GALNT16: variants seen among roughly 807,000 people sequenced by gnomAD.
The protein encoded by GALNT16 is polypeptide N-acetylgalactosaminyltransferase 16, also known as UDP-GalNAc:polypeptide N-acetylgalactosaminyltransferase-like protein 1.
Under a neutral mutation model 76.1 loss-of-function variants are expected in GALNT16, and 40 were observed. That is an observed-to-expected ratio of 0.53 (90% CI 0.41 to 0.68). The LOEUF (loss-of-function observed/expected upper bound fraction) is 0.68. GALNT16 is among the 30% of genes least tolerant of loss of function. GALNT16 has a pLI of 0.00. For missense variants in GALNT16, 621 were observed against 731.9 expected (o/e 0.85, Z 1.75); for synonymous variants, 276 against 285.2 (o/e 0.97, Z 0.32).
chr14:69,344,640 T>C (rs1021346363), intron 12 of GALNT16, among the ~76,000 whole-genome samples: 5 of 152,190 alleles, frequency 3.3e-5, no homozygotes, highest in African/African-American at 4.8e-5. Context: ...ATCTTGAGAT[T>C]GCTCCCAAGC....
chr14:69,308,440 T>C (rs2044970414), intron 1 of GALNT16, among the ~76,000 whole-genome samples: 1 of 152,200 alleles, frequency 6.6e-6, no homozygotes, highest in African/African-American at 2.4e-5. Context: ...CACATGCATA[T>C]GTTTATAAAC....
chr14:69,325,852 A>G (rs28368881), intron 4 of GALNT16, 110 bp from the exon 5 acceptor site: 53,971 of 831,816 alleles, frequency 0.065, 2,595 homozygotes, highest in African/African-American at 0.2. Flanking sequence ...CCCAATCCCC[A>G]TCCCCAACCC....
chr14:69,378,016 G>T, the GALNT16 span, among the ~76,000 whole-genome samples: 2 of 152,050 alleles, frequency 1.3e-5, no homozygotes, highest in Non-Finnish European at 2.9e-5. Flanking sequence ...CCCCAACCCA[G>T]CCTGGTCTGC....
the GALNT16 span, chr14:69,380,675 GGTCA>G: frequency 8.2e-7 from 1 of 1,224,470 alleles, no homozygotes; most frequent in Non-Finnish European, 1.2e-6. Context: ...AAGTCACAGT[GGTCA>G]ATCACTGCCA....
the GALNT16 span, among the ~76,000 whole-genome samples, chr14:69,383,981 C>T: frequency 6.6e-6 from 1 of 151,938 alleles, no homozygotes; most frequent in South Asian, 2.1e-4. Context: ...GACCCTGTCT[C>T]TAAAATTTTT....
At chr14:69,321,130 G>A (rs762659691) in intron 2 of GALNT16, among the ~76,000 whole-genome samples, 2 of 152,200 alleles carry the variant, frequency 1.3e-5, no homozygotes, top group Non-Finnish European at 2.9e-5. Flanking sequence ...AAGTGACCTG[G>A]GAGGGGACCA....
chr14:69,287,117 G>A (rs1000665291), intron 1 of GALNT16, among the ~76,000 whole-genome samples: 16 of 152,152 alleles, frequency 1.1e-4, no homozygotes, highest in Non-Finnish European at 2.1e-4. Context: ...ACCTCACCAT[G>A]GTTTGTGACT....
chr14:69,377,478 T>G, the GALNT16 span, among the ~76,000 whole-genome samples: 478 of 152,266 alleles, frequency 3.1e-3, 4 homozygotes, highest in African/African-American at 0.011. Flanking sequence ...AATACTAGTA[T>G]CATTATGCTA....
the GALNT16 span, among the ~76,000 whole-genome samples, chr14:69,367,995 TAAAGAAAA>T: frequency 2.7e-5 from 4 of 150,700 alleles, no homozygotes; most frequent in Admixed American, 2.6e-4. Flanking sequence ...AATCTCTAAA[TAAAGAAAA>T]AAAGAAGAAA....
intron 1 of GALNT16, among the ~76,000 whole-genome samples, chr14:69,318,829 C>T (rs1018650343): frequency 3.9e-5 from 6 of 152,248 alleles, no homozygotes; most frequent in African/African-American, 1.4e-4. Context: ...TGACCTAGAG[C>T]TAAGAGGGCA....
At chr14:69,320,918 A>G (rs769844234) in intron 2 of GALNT16, 50 bp downstream of exon 2, 10 of 1,556,244 alleles carry the variant, frequency 6.4e-6, no homozygotes, top group South Asian at 5.7e-5. Context: ...GAGAAAGCCA[A>G]CATTGTTTAG....
chr14:69,365,682 A>G, the GALNT16 span, among the ~76,000 whole-genome samples: 7 of 152,172 alleles, frequency 4.6e-5, no homozygotes, highest in African/African-American at 1.7e-4. Context: ...GCTGGGCTTA[A>G]TACCTAGGTG....
chr14:69,365,669 G>GATGCTGGGCTTT, the GALNT16 span, among the ~76,000 whole-genome samples: 1 of 152,104 alleles, frequency 6.6e-6, no homozygotes, highest in African/African-American at 2.4e-5. Context: ...ATAGTCAATG[G>GATGCTGGGCTTT]ATGCTGGGCT....
chr14:69,372,696 C>T, the GALNT16 span, among the ~76,000 whole-genome samples: 1 of 152,046 alleles, frequency 6.6e-6, no homozygotes, highest in Non-Finnish European at 1.5e-5. Flanking sequence ...GAAGTAATTT[C>T]TCAATCCAAG....
intron 1 of GALNT16, among the ~76,000 whole-genome samples, chr14:69,287,638 T>C (rs1427873981): frequency 1.3e-5 from 2 of 152,136 alleles, no homozygotes; most frequent in African/African-American, 4.8e-5. Context: ...AATAAGTGAA[T>C]AGAAATCAAG....
At chr14:69,342,771 G>A (rs951190589) in intron 12 of GALNT16, among the ~76,000 whole-genome samples, 1 of 152,128 alleles carries the variant, frequency 6.6e-6, no homozygotes, top group Non-Finnish European at 1.5e-5. Context: ...AAGCTACGAT[G>A]GCCTTTTCAG....
Position 69,302,809 on chromosome 14 carries a change from TAAAC to T in GALNT16, c.178-17898_178-17895del, listed in dbSNP as rs975915932. 1.2e-3 allele frequency among the ~76,000 whole-genome samples: 179 copies of T among 152,322 alleles called. 1 individual carries two copies. The highest frequency in any genetic ancestry group is 4.2e-3 in the African/African-American group (176 of 41,580). ...ACTATATCCCAATTTGAATTTTAGA[TAAAC>T]AAATACTATAAAAAAGAATACATTT... On this transcript the variant is annotated intron_variant, in intron 1 of 14. Transcript: ENST00000448469.
chr14:69,339,414 C>T, intron 10 of GALNT16, 113 bp from the exon 11 acceptor site: 2 of 748,212 alleles, frequency 2.7e-6, no homozygotes, highest in Non-Finnish European at 4.9e-6. Flanking sequence ...CAAGTATCAC[C>T]TTGCTCCTGA....
At chr14:69,318,550 A>T (rs1457621724) in intron 1 of GALNT16, among the ~76,000 whole-genome samples, 1 of 152,228 alleles carries the variant, frequency 6.6e-6, no homozygotes, top group Non-Finnish European at 1.5e-5. Flanking sequence ...TAGGTGATTC[A>T]GAAGGGTGCC....
Sources: gnomAD v4.1 joint callset for allele counts (sites outside exome capture counted in the v4.1 genomes callset) on GRCh38, gnomAD v4.1.1 for gene constraint, MANE v1.5 for transcripts, NCBI Gene and HGNC (gene_info 2026-07-23, HGNC 2026-07-21) for gene names.